COLQ: variants seen among roughly 807,000 people sequenced by gnomAD.
The protein encoded by COLQ is collagen like tail subunit of asymmetric acetylcholinesterase, also known as acetylcholinesterase collagenic tail peptide.
In COLQ, 48 loss-of-function variants were observed where a neutral mutation model predicts 69.0. The observed-to-expected ratio is 0.70, with a 90% CI of 0.55 to 0.88. COLQ has a LOEUF of 0.88. Among genes scored for constraint, COLQ ranks in the 40% least tolerant of loss-of-function variants. The pLI is 0.00. For synonymous variants in COLQ, 217 were observed against 211.2 expected, an observed-to-expected ratio of 1.03 and a Z score of -0.24; for missense variants, 618 against 594.6, an observed-to-expected ratio of 1.04 and a Z score of -0.41.
chr3:15,492,781 T>C (rs1056515943), intron 1 of COLQ, among the ~76,000 whole-genome samples: 2 of 152,236 alleles, frequency 1.3e-5, no homozygotes, highest in Admixed American at 1.3e-4. Context: ...GGGACAATTC[T>C]ATCCCACCCT....
chr3:15,452,931 A>G (rs185424824), intron 16 of COLQ, among the ~76,000 whole-genome samples: 79 of 152,338 alleles, frequency 5.2e-4, no homozygotes, highest in African/African-American at 1.8e-3. Flanking sequence ...CGAGTCTACA[A>G]GAGAAAATGG....
At chr3:15,507,424 G>A (rs1307293535) in intron 1 of COLQ, among the ~76,000 whole-genome samples, 1 of 151,998 alleles carries the variant, frequency 6.6e-6, no homozygotes, top group African/African-American at 2.4e-5. Flanking sequence ...ATACACCTTC[G>A]CCAACAGTCT....
At chr3:15,462,218 G>A (rs1247655866) in intron 12 of COLQ, among the ~76,000 whole-genome samples, 4 of 151,696 alleles carry the variant, frequency 2.6e-5, no homozygotes, top group African/African-American at 7.3e-5. Flanking sequence ...TAGTAGAGAT[G>A]GGGGTTTCAC....
chr3:15,472,399 T>A (rs1369326515), intron 10 of COLQ, among the ~76,000 whole-genome samples: 1 of 152,212 alleles, frequency 6.6e-6, no homozygotes, highest in Non-Finnish European at 1.5e-5. Context: ...AATTAATGCA[T>A]GTTGATTGAA....
At position 15,462,429 on chromosome 3, in the gene COLQ, T is replaced by C. The variant is rs1343114772; in HGVS notation, c.814+3912A>G. 2.0e-5 allele frequency among the ~76,000 whole-genome samples: 3 copies of C among 152,178 alleles called. No individual in the cohort carries two copies. The East Asian group carries it at 5.8e-4, about 29-fold the overall frequency. On this transcript the variant is annotated intron_variant, in intron 12 of 16. Transcript: ENST00000383788. Reference sequence around the variant, plus strand: ...ATTGCCCCATCTTCTCTTTACCTTCTTCAGCCCGCTCACTCAGGAAGCCTC... The same window carrying C: ...ATTGCCCCATCTTCTCTTTACCTTCCTCAGCCCGCTCACTCAGGAAGCCTC...
At chr3:15,498,233 C>T (rs1447000762) in intron 1 of COLQ, among the ~76,000 whole-genome samples, 1 of 152,206 alleles carries the variant, frequency 6.6e-6, no homozygotes, top group African/African-American at 2.4e-5. Flanking sequence ...AAGAGGGACA[C>T]AGACAAGTGC....
rs769202297 is a variant in COLQ at position 15,453,780 on chromosome 3, G to A, written c.1298+49C>T. ...TGAAGGAAAGAAGGAAAGCAAAGAG[G>A]AGGGAGGGAGAAAGAAGGGGGAGAG... On this transcript the variant is annotated intron_variant, in intron 16 of 16. Coordinates refer to ENST00000383788, the MANE Select transcript of COLQ (RefSeq NM_005677.4). 5 of 1,201,882 alleles carry A rather than the reference G, an allele frequency of 4.2e-6. No homozygotes were observed. The South Asian group carries it at 5.1e-5, about 12-fold the overall frequency. 74.5% of individuals were successfully genotyped at this position (1,201,882 alleles called of 1,614,324 possible).
chr3:15,490,511 C>A (rs1441605686), intron 1 of COLQ, among the ~76,000 whole-genome samples: 1 of 152,244 alleles, frequency 6.6e-6, no homozygotes, highest in African/African-American at 2.4e-5. Context: ...TAAATGGAAT[C>A]ATACAATATG....
intron 1 of COLQ, among the ~76,000 whole-genome samples, chr3:15,520,260 A>T (rs1389774302): frequency 6.6e-6 from 1 of 152,242 alleles, no homozygotes; most frequent in Non-Finnish European, 1.5e-5. Context: ...ACCCACGGTG[A>T]CACCACCACT....
chr3:15,462,121 C>T (rs1406017797), intron 12 of COLQ, among the ~76,000 whole-genome samples: 5 of 152,110 alleles, frequency 3.3e-5, no homozygotes, highest in African/African-American at 9.7e-5. Context: ...CTCCGCCTCC[C>T]GGGTTCAAGT....
rs181666946 is a variant in COLQ, at chr3:15,495,871, C to T, written c.107-6234G>A. Among the ~76,000 whole-genome samples, 446 of 152,172 alleles carry T rather than the reference C, an allele frequency of 2.9e-3. 1 individual carries two copies. The highest frequency in any genetic ancestry group is 4.7e-3 in the Non-Finnish European group (320 of 68,008). On this transcript the variant is annotated intron_variant, in intron 1 of 16. Coordinates refer to ENST00000383788, the MANE Select transcript of COLQ (RefSeq NM_005677.4). ...GAGGCTGGCAGGTTCACACCAATCC[C>T]GGAACGTTTTTAAGGTCCCCTGGCT...
chr3:15,520,482 A>G (rs2063121476), intron 1 of COLQ, among the ~76,000 whole-genome samples: 1 of 152,168 alleles, frequency 6.6e-6, no homozygotes, highest in Admixed American at 6.5e-5. Context: ...AGAGCCTGGC[A>G]TTTCTGGCCC....
At chr3:15,477,056 C>T (rs891545542) in intron 6 of COLQ, 70 bp downstream of exon 6, 1 of 1,399,026 alleles carries the variant, frequency 7.1e-7, no homozygotes, top group South Asian at 1.2e-5. Context: ...GTGCCAGGAG[C>T]CAGGAAAGCT....
At chr3:15,456,072 G>T in intron 14 of COLQ, 53 bp from the exon 15 acceptor site, 2 of 1,607,950 alleles carry the variant, frequency 1.2e-6, no homozygotes, top group South Asian at 2.2e-5. Flanking sequence ...CCAGGCAGCC[G>T]CAGGCAGGGA....
intron 3 of COLQ, among the ~76,000 whole-genome samples, chr3:15,482,921 T>C (rs952703688): frequency 6.6e-6 from 1 of 152,216 alleles, no homozygotes; most frequent in Non-Finnish European, 1.5e-5. Context: ...ATTCAGCTTC[T>C]TCCTGGTTTA....
At chr3:15,465,232 TTTGA>T (rs773144801) in intron 12 of COLQ, among the ~76,000 whole-genome samples, 21,403 of 141,282 alleles carry the variant, frequency 0.15, 1,903 homozygotes, top group African/African-American at 0.17. Flanking sequence ...GACTTTATAT[TTTGA>T]TTTATTTATT....
In COLQ at chr3:15,474,265, C is replaced by G. The variant is rs757905303; in HGVS notation, c.563G>C (p.Arg188Thr). 2 of 1,614,000 alleles carry G rather than the reference C, an allele frequency of 1.2e-6. No individual in the cohort carries two copies. Among genetic ancestry groups the G allele is most frequent in the South Asian group, 2.2e-5 (2 of 91,086 alleles). Reference protein sequence around the residue: ...YPGSRGEKGSRGEKGDLGPKG... With the variant: ...YPGSRGEKGSTGEKGDLGPKG... ...GGGACCCAGGTCACCCTTTTCACCT[C>G]TGGATCCCTAGGAAGAAACCATAGG... is the stretch of plus-strand genomic sequence containing the variant. The change falls in exon 9 of 17, where the codon AGA becomes ACA. Residue 188 changes from arginine (R) to threonine (T), a missense_variant. Coordinates refer to ENST00000383788, the MANE Select transcript of COLQ (RefSeq NM_005677.4).
chr3:15,461,862 G>C (rs1559514063), intron 12 of COLQ, among the ~76,000 whole-genome samples: 1 of 151,896 alleles, frequency 6.6e-6, no homozygotes. Flanking sequence ...CTTGGATGTA[G>C]GTATATACAG....
rs530431109 is a variant in COLQ, at chr3:15,479,397, T to C, written c.322-15A>G. On this transcript the variant is annotated splice_polypyrimidine_tract_variant and intron_variant, in intron 3 of 16. Coordinates refer to ENST00000383788, the MANE Select transcript of COLQ (RefSeq NM_005677.4). ...CCCGGTGGACCCTAATCAATCAAGA[T>C]AAAAAGTGAAGAAAGTATATATCAG... 63 of 1,613,800 alleles carry C rather than the reference T, an allele frequency of 3.9e-5. No individual in the cohort carries two copies. The highest frequency in any genetic ancestry group is 5.0e-5 in the Admixed American group (3 of 60,012).
Sources: allele counts gnomAD v4.1 joint callset (sites outside exome capture counted in the v4.1 genomes callset), GRCh38; gene constraint gnomAD v4.1.1; transcripts MANE v1.5; gene names NCBI Gene and HGNC (gene_info 2026-07-23, HGNC 2026-07-21).